NBPF14: variants seen among roughly 807,000 people sequenced by gnomAD.
NBPF14 encodes NBPF member 14.
In NBPF14, 104 loss-of-function variants were observed where a neutral mutation model predicts 91.2. That is an observed-to-expected ratio of 1.14 (90% CI 0.97 to 1.34). The LOEUF is 1.34. Among genes scored for constraint, NBPF14 ranks in the 40% most tolerant of loss-of-function variants. The pLI is 0.00. For missense variants in NBPF14, 908 were observed against 783.0 expected (o/e 1.16, Z -1.91); for synonymous variants, 294 against 303.8 (o/e 0.97, Z 0.34).
chr1:148,557,089 G>C (rs1259200740), intron 40 of NBPF14, among the ~76,000 whole-genome samples: 922 of 72,852 alleles, frequency 0.013, no homozygotes, highest in East Asian at 0.043. Flanking sequence ...CACACACACA[G>C]AGAGAGAGAG....
exon 41 of NBPF14, chr1:148,556,817 C>T: frequency 4.5e-6 from 1 of 219,824 alleles, no homozygotes; most frequent in South Asian, 3.3e-5. Flanking sequence ...CCAGTGAGTC[C>T]TGCAAGACTT....
At chr1:148,533,438 G>C (rs1454967657) in intron 70 of NBPF14, among the ~76,000 whole-genome samples, 190 bp from the exon 71 acceptor site, 1 of 150,062 alleles carries the variant, frequency 6.7e-6, no homozygotes, top group Non-Finnish European at 1.5e-5. Flanking sequence ...CAATGAAAGA[G>C]AAAGACAGAG....
intron 69 of NBPF14, 94 bp downstream of exon 69, chr1:148,534,590 T>C (rs1654658691): frequency 4.7e-6 from 4 of 855,492 alleles, no homozygotes; most frequent in South Asian, 4.0e-5. Context: ...GGCAATGACA[T>C]CTCTCGGGTG....
At chr1:148,594,809 T>C (rs1434315822) in intron 2 of NBPF14, among the ~76,000 whole-genome samples, 1 of 85,530 alleles carries the variant, frequency 1.2e-5, no homozygotes, top group Non-Finnish European at 2.0e-5. Context: ...AGGATTCTTC[T>C]GCCTCAGCCT....
At chr1:148,585,611 T>G (rs1661387215) in intron 9 of NBPF14, among the ~76,000 whole-genome samples, 1 of 149,242 alleles carries the variant, frequency 6.7e-6, no homozygotes, top group Non-Finnish European at 1.5e-5. Context: ...TGTCCCACAG[T>G]CCTCTATGCA....
intron 39 of NBPF14, among the ~76,000 whole-genome samples, 190 bp from the exon 40 acceptor site, chr1:148,557,732 G>T (rs1294656385): frequency 7.8e-6 from 1 of 128,818 alleles, no homozygotes; most frequent in African/African-American, 3.6e-5. Flanking sequence ...AACCAAGGGT[G>T]AAATATCCCC....
chr1:148,534,076 A>G, intron 69 of NBPF14, 107 bp from the exon 70 acceptor site: 1 of 592,850 alleles, frequency 1.7e-6, no homozygotes, highest in Non-Finnish European at 3.0e-6. Flanking sequence ...TCAGCATAAG[A>G]ATAGGACACT....
rs1329286785 is a variant in NBPF14, at chr1:148,559,979, A to G, written c.4557-14T>C. On this transcript the variant is annotated splice_polypyrimidine_tract_variant and intron_variant, in intron 36 of 70. Transcript: ENST00000619423. ...TCCCTGCTGAGCCTGGAAAAGTGGA[A>G]AAAAGTAAAGAATAAGCCAGGGGGA... 6 of 1,254,566 alleles carry G rather than the reference A, an allele frequency of 4.8e-6. 1 individual carries two copies. Among genetic ancestry groups the G allele is most frequent in the Admixed American group, 3.6e-5 (2 of 56,144 alleles). 77.7% of individuals were successfully genotyped at this position (1,254,566 alleles called of 1,614,324 possible).
chr1:148,591,816 T>C (rs1662540889), intron 4 of NBPF14, among the ~76,000 whole-genome samples: 2 of 146,650 alleles, frequency 1.4e-5, no homozygotes, highest in Admixed American at 1.4e-4. Flanking sequence ...ACAGATCTGA[T>C]TCCCAGGAAC....
At chr1:148,585,258 T>A in intron 9 of NBPF14, 45 bp from the exon 10 acceptor site, 3 of 1,572,624 alleles carry the variant, frequency 1.9e-6, no homozygotes, top group Non-Finnish European at 2.6e-6. Flanking sequence ...CACTTCACAG[T>A]CTGCAAGCAC....
intron 68 of NBPF14, 76 bp downstream of exon 68, chr1:148,535,377 A>G: frequency 3.7e-6 from 2 of 542,480 alleles, no homozygotes; most frequent in East Asian, 3.4e-5. Flanking sequence ...GAAATTGAAC[A>G]CACTCTTGTT....
intron 14 of NBPF14, among the ~76,000 whole-genome samples, 188 bp from the exon 15 acceptor site, chr1:148,577,543 G>GACAC (rs1184575767): frequency 1.4e-3 from 191 of 141,234 alleles, no homozygotes; most frequent in South Asian, 7.5e-3. Context: ...GAACGAGAAA[G>GACAC]ACACACACAC....
chr1:148,577,578 TCA>T (rs1570994221), intron 14 of NBPF14, among the ~76,000 whole-genome samples: 5 of 120,316 alleles, frequency 4.2e-5, no homozygotes, highest in African/African-American at 1.4e-4. Flanking sequence ...ACACACACAC[TCA>T]CACACACACA....
At chr1:148,538,948 A>C (rs2149481438) in intron 63 of NBPF14, among the ~76,000 whole-genome samples, 1 of 3,994 alleles carries the variant, frequency 2.5e-4, no homozygotes, top group South Asian at 7.0e-3. Flanking sequence ...AGTTTGTGCA[A>C]ACAGTTATGC....
intron 68 of NBPF14, among the ~76,000 whole-genome samples, chr1:148,535,158 C>A (rs1383930743): frequency 7.4e-5 from 11 of 148,784 alleles, no homozygotes; most frequent in Non-Finnish European, 1.6e-4. Context: ...GGACACACAG[C>A]GAACAGTGAT....
intron 28 of NBPF14, 71 bp downstream of exon 28, chr1:148,566,881 G>T (rs1489805900): frequency 8.0e-6 from 2 of 248,462 alleles, no homozygotes; most frequent in Non-Finnish European, 1.5e-5. Context: ...ATGTCAGCCC[G>T]CTCTGTTTTC....
chr1:148,535,246 T>C (rs1395938761), intron 68 of NBPF14, among the ~76,000 whole-genome samples: 4 of 150,678 alleles, frequency 2.7e-5, no homozygotes, highest in Non-Finnish European at 5.9e-5. Context: ...CTTTGAGGTA[T>C]GGTCAACCTA....
Position 148,594,859 on chromosome 1 carries a change from A to G in NBPF14, c.175+684T>C, listed in dbSNP as rs1235027552. ...ATTACAGTTGCCCGCCAGGATGCCC[A>G]TCCACTTTTTGTATTTTTAGTGGAG... On this transcript the variant is annotated intron_variant, in intron 2 of 70. Coordinates refer to ENST00000619423, the Ensembl canonical transcript of NBPF14. 3.4e-5 allele frequency among the ~76,000 whole-genome samples: 3 copies of G among 86,994 alleles called. 1 individual carries two copies. The highest frequency in any genetic ancestry group is 4.5e-4 in the South Asian group (1 of 2,224). The allele number at this position is 86,994 out of a possible 152,430, so 57.1% of individuals were successfully genotyped here. A position where few individuals can be genotyped will look rare whatever the true frequency, so the allele number is the denominator to read the frequency against.
In NBPF14 at chr1:148,595,642, G is replaced by A; in HGVS notation, c.76C>T (p.Pro26Ser). 6 of 1,430,806 alleles carry A rather than the reference G, an allele frequency of 4.2e-6. 1 individual carries two copies. The South Asian group carries it at 7.0e-5, about 17-fold the overall frequency. The allele number at this position is 1,430,806 out of a possible 1,614,324, so 88.6% of individuals were successfully genotyped here. A position where few individuals can be genotyped will look rare whatever the true frequency, so the allele number is the denominator to read the frequency against. Residue 26 changes from proline (P) to serine (S), a missense_variant, in exon 2 of 71, where the codon CCC (proline) becomes TCC (serine). Transcript: ENST00000619423. Reference sequence around the variant, plus strand: ...TGCTGTTTCTTCTCTGCCAGCTGGGGGCGCAATGTCTCGTTGATTTCTAGA... The same window carrying A: ...TGCTGTTTCTTCTCTGCCAGCTGGGAGCGCAATGTCTCGTTGATTTCTAGA...
Sources: allele counts gnomAD v4.1 joint callset (sites outside exome capture counted in the v4.1 genomes callset), GRCh38; gene constraint gnomAD v4.1.1; transcripts MANE v1.5; gene names NCBI Gene and HGNC (gene_info 2026-07-23, HGNC 2026-07-21).